The following HDAC9 variants were observed in gnomAD, a reference collection of about 807,000 sequenced individuals.
The protein encoded by HDAC9 is MEF-2 interacting transcription repressor (MITR) protein.
In HDAC9, 41 loss-of-function variants were observed where a neutral mutation model predicts 139.4. The observed-to-expected ratio is 0.29, with a 90% CI of 0.23 to 0.38. HDAC9 has a LOEUF of 0.38. Among genes scored for constraint, HDAC9 ranks in the 10% least tolerant of loss-of-function variants. The pLI is 1.00. For missense variants in HDAC9, 1,147 were observed against 1,297.0 expected, an observed-to-expected ratio of 0.88 and a Z score of 1.78; for synonymous variants, 517 against 476.2, an observed-to-expected ratio of 1.09 and a Z score of -1.12.
intron 2 of HDAC9, among the ~76,000 whole-genome samples, chr7:18,186,797 CTAAA>C (rs1216764926): frequency 6.6e-6 from 1 of 152,132 alleles, no homozygotes; most frequent in African/African-American, 2.4e-5. Context: ...TGTAAAAACT[CTAAA>C]TAAAGCATAA....
At chr7:18,910,967 T>G (rs1304253759) in intron 22 of HDAC9, among the ~76,000 whole-genome samples, 1 of 151,936 alleles carries the variant, frequency 6.6e-6, no homozygotes, top group Non-Finnish European at 1.5e-5. Context: ...CCTCATAGAA[T>G]GAGTTTGGAA....
At chr7:18,090,284 T>G (rs1782062198) in intron 1 of HDAC9, among the ~76,000 whole-genome samples, 1 of 152,182 alleles carries the variant, frequency 6.6e-6, no homozygotes, top group African/African-American at 2.4e-5. Flanking sequence ...CTTCATAAAT[T>G]TATGTATTTC....
At chr7:18,571,834 A>G (rs1466490695) in intron 2 of HDAC9, among the ~76,000 whole-genome samples, 1 of 152,070 alleles carries the variant, frequency 6.6e-6, no homozygotes, top group Non-Finnish European at 1.5e-5. Flanking sequence ...TGTTTCTCCT[A>G]CTTTTCCCGC....
At chr7:18,170,327 A>C (rs1788331030) in intron 2 of HDAC9, among the ~76,000 whole-genome samples, 3 of 151,934 alleles carry the variant, frequency 2.0e-5, no homozygotes, top group Admixed American at 2.0e-4. Flanking sequence ...TTTCTTGTAA[A>C]TGTGTTTAAA....
chr7:18,705,873 A>AAAAAAAG (rs1783865528), intron 12 of HDAC9, among the ~76,000 whole-genome samples: 1 of 144,214 alleles, frequency 6.9e-6, no homozygotes, highest in African/African-American at 2.8e-5. Context: ...ATAAAATAAA[A>AAAAAAAG]TAAAATAAAA....
intron 16 of HDAC9, among the ~76,000 whole-genome samples, chr7:18,789,026 T>G (rs73310553): frequency 0.018 from 2,763 of 152,134 alleles, 80 homozygotes; most frequent in African/African-American, 0.063. Flanking sequence ...CTACTCTGAA[T>G]CATTCAGAGA....
chr7:18,396,103 C>A (rs1787016198), intron 1 of HDAC9, among the ~76,000 whole-genome samples: 2 of 130,720 alleles, frequency 1.5e-5, no homozygotes, highest in Non-Finnish European at 3.2e-5. Flanking sequence ...CCTTCCCTTC[C>A]CTTCCCTTCC....
At chr7:18,371,200 A>G (rs1019323376) in intron 1 of HDAC9, among the ~76,000 whole-genome samples, 3 of 152,184 alleles carry the variant, frequency 2.0e-5, no homozygotes, top group Middle Eastern at 3.2e-3. Context: ...CGAAGTATGG[A>G]TTTCAATTTA....
chr7:18,280,782 A>G (rs1797056675), intron 2 of HDAC9, among the ~76,000 whole-genome samples: 1 of 151,954 alleles, frequency 6.6e-6, no homozygotes, highest in African/African-American at 2.4e-5. Context: ...AAATAAATAA[A>G]TAAAAAAGAG....
intron 17 of HDAC9, among the ~76,000 whole-genome samples, chr7:18,796,295 A>T (rs1454264144): frequency 6.6e-6 from 1 of 152,202 alleles, no homozygotes; most frequent in African/African-American, 2.4e-5. Flanking sequence ...AAATTGTATG[A>T]CTTGGAAATT....
At chr7:18,726,408 C>T (rs1785550768) in intron 12 of HDAC9, among the ~76,000 whole-genome samples, 1 of 152,120 alleles carries the variant, frequency 6.6e-6, no homozygotes, top group Non-Finnish European at 1.5e-5. Context: ...GTAATGTCTG[C>T]CTCAAGTCTT....
rs115270208 is a variant in HDAC9, at chr7:18,470,610, G to A, written c.-41-25652G>A. ...AGCAGTAAATATTTTGGGCTTTGCA[G>A]GCTATATGGCCTCTGCTACAAGGAT... On this transcript the variant is annotated intron_variant, in intron 1 of 3. Transcript: ENST00000413509. Among the ~76,000 whole-genome samples the A allele has an allele frequency of 1.2e-3, 187 of 152,250 alleles. 1 individual carries two copies. Among genetic ancestry groups the A allele is most frequent in the African/African-American group, 4.4e-3 (181 of 41,540 alleles).
At chr7:18,823,227 C>G (rs1233119113) in intron 17 of HDAC9, among the ~76,000 whole-genome samples, 3 of 151,990 alleles carry the variant, frequency 2.0e-5, no homozygotes. Flanking sequence ...ATTTGAATTG[C>G]TGCTACTATC....
intron 2 of HDAC9, among the ~76,000 whole-genome samples, chr7:18,261,458 T>A (rs1233162511): frequency 6.6e-6 from 1 of 152,124 alleles, no homozygotes; most frequent in African/African-American, 2.4e-5. Context: ...GAAATAAACA[T>A]ATACCACAGT....
chr7:18,745,480 A>G (rs369470303), intron 13 of HDAC9, among the ~76,000 whole-genome samples: 1 of 151,894 alleles, frequency 6.6e-6, no homozygotes, highest in East Asian at 1.9e-4. Flanking sequence ...AGATATGTCA[A>G]GAGATGAAAT....
intron 1 of HDAC9, among the ~76,000 whole-genome samples, chr7:18,335,298 A>G (rs1192111173): frequency 6.6e-6 from 1 of 151,564 alleles, no homozygotes; most frequent in African/African-American, 2.4e-5. Flanking sequence ...CAATAGCTGC[A>G]GAGAGATAAA....
At chr7:18,400,973 A>C (rs1787485103) in intron 1 of HDAC9, among the ~76,000 whole-genome samples, 1 of 152,234 alleles carries the variant, frequency 6.6e-6, no homozygotes, top group South Asian at 2.1e-4. Context: ...AGCTAGTCTC[A>C]GATGCCTTAG....
At chr7:18,313,310 T>G (rs1799435210) in intron 1 of HDAC9, among the ~76,000 whole-genome samples, 1 of 152,186 alleles carries the variant, frequency 6.6e-6, no homozygotes. Context: ...TTTTTCTGAT[T>G]CAATTATATC....
At chr7:18,419,316 T>C (rs1336444474) in intron 1 of HDAC9, among the ~76,000 whole-genome samples, 1 of 152,186 alleles carries the variant, frequency 6.6e-6, no homozygotes, top group Non-Finnish European at 1.5e-5. Flanking sequence ...CATTCAGTAC[T>C]TATAGAAATT....
Sources: allele counts gnomAD v4.1 joint callset (sites outside exome capture counted in the v4.1 genomes callset), GRCh38; gene constraint gnomAD v4.1.1; transcripts MANE v1.5; gene names NCBI Gene and HGNC (gene_info 2026-07-23, HGNC 2026-07-21).